The following SLC4A4 variants were observed in gnomAD, a reference collection of about 807,000 sequenced individuals.
SLC4A4 encodes solute carrier family 4 member 4, also known as electrogenic sodium bicarbonate cotransporter 1.
In SLC4A4, 27 loss-of-function variants were observed where a neutral mutation model predicts 111.5. That is an observed-to-expected ratio of 0.24 (90% CI 0.18 to 0.33). The LOEUF (loss-of-function observed/expected upper bound fraction) is 0.33, where lower values mean the gene tolerates loss of function less well. SLC4A4 is among the 10% of genes least tolerant of loss of function. The probability of loss-of-function intolerance (pLI) is 1.00; values close to 1 mark genes in which losing one functional copy is unlikely to be tolerated. For missense variants in SLC4A4, 909 were observed against 1,315.5 expected, an observed-to-expected ratio of 0.69 and a Z score of 4.78; for synonymous variants, 443 against 463.4, an observed-to-expected ratio of 0.96 and a Z score of 0.57.
At chr4:71,563,364 C>T (rs867043926) in intron 23 of SLC4A4, among the ~76,000 whole-genome samples, 3 of 36,100 alleles carry the variant, frequency 8.3e-5, no homozygotes, top group Admixed American at 3.2e-4. Flanking sequence ...AAGGAAAGAT[C>T]GGTCATGATT....
At chr4:71,265,806 A>G (rs1722206232) in intron 3 of SLC4A4, among the ~76,000 whole-genome samples, 1 of 152,116 alleles carries the variant, frequency 6.6e-6, no homozygotes, top group Non-Finnish European at 1.5e-5. Context: ...TCTCTACCAG[A>G]TGTTCCTCCT....
chr4:71,473,922 G>A (rs1380538213), intron 14 of SLC4A4, among the ~76,000 whole-genome samples: 1 of 151,756 alleles, frequency 6.6e-6, no homozygotes, highest in African/African-American at 2.4e-5. Flanking sequence ...GTATTTGCAA[G>A]GAATTAAAGT....
At chr4:71,339,917 C>G (rs1022912609) in intron 4 of SLC4A4, among the ~76,000 whole-genome samples, 4 of 152,016 alleles carry the variant, frequency 2.6e-5, no homozygotes, top group Non-Finnish European at 4.4e-5. Context: ...TACTCATTCC[C>G]TGTCAAGAGG....
chr4:71,323,698 C>T (rs1727292277), intron 3 of SLC4A4, among the ~76,000 whole-genome samples: 2 of 152,010 alleles, frequency 1.3e-5, no homozygotes, highest in Admixed American at 6.6e-5. Context: ...GGGTCTCAAT[C>T]AGGACAGCAC....
intron 3 of SLC4A4, among the ~76,000 whole-genome samples, chr4:71,279,208 AC>A (rs1435048246): frequency 6.6e-6 from 1 of 152,114 alleles, no homozygotes; most frequent in Non-Finnish European, 1.5e-5. Context: ...GAAATTTTGT[AC>A]CCTTTGAGCA....
intron 7 of SLC4A4, among the ~76,000 whole-genome samples, chr4:71,406,433 G>A (rs1230293613): frequency 6.6e-6 from 1 of 151,996 alleles, no homozygotes. Flanking sequence ...ACCATGGGAG[G>A]AAGTTTTTCC....
intron 14 of SLC4A4, among the ~76,000 whole-genome samples, chr4:71,485,398 T>C (rs754847619): frequency 6.6e-6 from 1 of 151,688 alleles, no homozygotes; most frequent in Non-Finnish European, 1.5e-5. Context: ...GATAATCTGG[T>C]ATTTTTTTCT....
chr4:71,561,074 A>G (rs1448435635), intron 23 of SLC4A4, among the ~76,000 whole-genome samples: 1 of 151,714 alleles, frequency 6.6e-6, no homozygotes, highest in Non-Finnish European at 1.5e-5. Flanking sequence ...TTCCATTTGA[A>G]AATTTGCTCT....
intron 1 of SLC4A4, among the ~76,000 whole-genome samples, chr4:71,208,386 G>A (rs952153558): frequency 4.7e-5 from 7 of 149,428 alleles, no homozygotes; most frequent in Admixed American, 2.7e-4. Flanking sequence ...AGCTGAGATC[G>A]CACCACTGCA....
rs1407653163 is a variant in SLC4A4 at position 71,557,864 on chromosome 4, T to A, written c.2916T>A (p.Ala972=). ...TTTGGATCCTCAAGTCAACGGTGGC[T>A]GCTATCATTTTTCCAGTAATGGTAG... is the stretch of plus-strand genomic sequence containing the variant. ...ALLWILKSTV[A]AIIFPVMILA... Residue 972 remains alanine (A), a synonymous_variant, in exon 22 of 26, where the codon GCT becomes GCA. Coordinates refer to ENST00000264485, the MANE Select transcript of SLC4A4 (RefSeq NM_001098484.3). The A allele has an allele frequency of 6.2e-7, 1 of 1,612,490 alleles. No individual in the cohort carries two copies. Among genetic ancestry groups the A allele is most frequent in the Admixed American group, 1.7e-5 (1 of 59,860 alleles).
chr4:71,531,187 C>G (rs754571515), intron 16 of SLC4A4, among the ~76,000 whole-genome samples: 2 of 152,104 alleles, frequency 1.3e-5, no homozygotes, highest in Non-Finnish European at 2.9e-5. Flanking sequence ...GACTACAGAA[C>G]AATCTCAAGC....
At chr4:71,403,952 T>A (rs1274631672) in intron 7 of SLC4A4, among the ~76,000 whole-genome samples, 1 of 152,190 alleles carries the variant, frequency 6.6e-6, no homozygotes, top group Non-Finnish European at 1.5e-5. Flanking sequence ...CTTAATGTGT[T>A]AGCCATAGCC....
At chr4:71,351,080 G>A (rs1337857750) in intron 5 of SLC4A4, among the ~76,000 whole-genome samples, 2 of 152,194 alleles carry the variant, frequency 1.3e-5, no homozygotes, top group Non-Finnish European at 2.9e-5. Flanking sequence ...TGTGCCCAAG[G>A]TGTTCAGCAT....
chr4:71,211,147 C>T (rs1390291881), intron 1 of SLC4A4, among the ~76,000 whole-genome samples: 1 of 152,168 alleles, frequency 6.6e-6, no homozygotes, highest in East Asian at 1.9e-4. Context: ...TATACTTTTA[C>T]CACAAAATAC....
chr4:71,464,301 C>T (rs1023134112), intron 12 of SLC4A4, among the ~76,000 whole-genome samples: 1 of 152,142 alleles, frequency 6.6e-6, no homozygotes, highest in Non-Finnish European at 1.5e-5. Flanking sequence ...TCACTTAACT[C>T]CCTTGAATCT....
chr4:71,077,195 C>T (rs546686884), intron 1 of SLC4A4, among the ~76,000 whole-genome samples: 3 of 149,900 alleles, frequency 2.0e-5, no homozygotes, highest in Non-Finnish European at 4.4e-5. Context: ...GAGTCTCGCT[C>T]TGTCACCCAG....
intron 2 of SLC4A4, among the ~76,000 whole-genome samples, chr4:71,159,189 AC>A (rs904240889): frequency 2.0e-5 from 3 of 152,150 alleles, no homozygotes; most frequent in African/African-American, 7.2e-5. Flanking sequence ...CAACTTACTG[AC>A]TTTTTCCTAA....
intron 1 of SLC4A4, among the ~76,000 whole-genome samples, chr4:71,196,227 G>A (rs539067922): frequency 2.6e-5 from 4 of 152,308 alleles, no homozygotes; most frequent in African/African-American, 9.6e-5. Flanking sequence ...AGGGCCTCAT[G>A]GTAGGGACTT....
At chr4:71,510,473 G>T (rs954879373) in intron 16 of SLC4A4, among the ~76,000 whole-genome samples, 16 of 152,022 alleles carry the variant, frequency 1.1e-4, no homozygotes, top group Non-Finnish European at 1.9e-4. Flanking sequence ...CTTATGAATT[G>T]ATCCCTTTAT....
Sources: allele counts gnomAD v4.1 joint callset (sites outside exome capture counted in the v4.1 genomes callset), GRCh38; gene constraint gnomAD v4.1.1; transcripts MANE v1.5; gene names NCBI Gene and HGNC (gene_info 2026-07-23, HGNC 2026-07-21).